The following FGF14 variants were observed in gnomAD, a reference collection of about 807,000 sequenced individuals.
The protein encoded by FGF14 is fibroblast growth factor homologous factor 4.
A neutral mutation model predicts 25.5 loss-of-function variants in FGF14; 5 were observed. The observed-to-expected ratio is 0.20, with a 90% confidence interval of 0.10 to 0.41. FGF14 has a LOEUF of 0.41. Ranked by LOEUF, FGF14 falls within the 10% of genes least tolerant of loss-of-function variation. The probability of loss-of-function intolerance (pLI) is 1.00; values close to 1 mark genes in which losing one functional copy is unlikely to be tolerated. For synonymous variants in FGF14, 138 were observed against 118.3 expected, an observed-to-expected ratio of 1.17 and a Z score of -1.08; for missense variants, 222 against 320.1, an observed-to-expected ratio of 0.69 and a Z score of 2.34.
At chr13:101,950,374 C>A (rs1283761645) in intron 1 of FGF14, among the ~76,000 whole-genome samples, 1 of 152,164 alleles carries the variant, frequency 6.6e-6, no homozygotes, top group Non-Finnish European at 1.5e-5. Flanking sequence ...TAACTCAGGA[C>A]CTCCATGGAC....
chr13:102,354,901 T>C (rs1385261675), intron 1 of FGF14, among the ~76,000 whole-genome samples: 1 of 149,516 alleles, frequency 6.7e-6, no homozygotes, highest in Non-Finnish European at 1.5e-5. Flanking sequence ...AAGACCTAGT[T>C]TGAGTTACCT....
chr13:102,291,626 T>C (rs1057349933), intron 1 of FGF14, among the ~76,000 whole-genome samples: 14 of 152,136 alleles, frequency 9.2e-5, no homozygotes, highest in Admixed American at 7.9e-4. Context: ...CCCCACACAA[T>C]ACCATACTGT....
chr13:102,030,180 T>C (rs1378411386), intron 1 of FGF14, among the ~76,000 whole-genome samples: 5 of 152,090 alleles, frequency 3.3e-5, no homozygotes, highest in Admixed American at 2.6e-4. Flanking sequence ...GAAGCATATT[T>C]GTCTATGGAT....
rs754461644 is a variant in FGF14, at chr13:101,715,532, AATCATG to A, written c.*7293_*7298del. The A allele has an allele frequency of 2.7e-6, 4 of 1,469,066 alleles. No individual in the cohort carries two copies. The highest frequency in any genetic ancestry group is 3.8e-6 in the Non-Finnish European group (4 of 1,048,284). 91.0% of individuals were successfully genotyped at this position (1,469,066 alleles called of 1,614,324 possible). A position where few individuals can be genotyped will look rare whatever the true frequency, so the allele number is the denominator to read the frequency against. On this transcript the variant is annotated 3_prime_UTR_variant, in exon 5 of 5. Transcript: ENST00000376143. ...TTTAAATTTGGCACATTTTGATCAT[AATCATG>A]ATACCTATATGTATTTTATTGCAGG...
chr13:101,731,589 G>A (rs2035816565), intron 3 of FGF14, among the ~76,000 whole-genome samples: 1 of 152,142 alleles, frequency 6.6e-6, no homozygotes, highest in Admixed American at 6.5e-5. Flanking sequence ...CTCTTCTGAG[G>A]GAAATGCCTT....
chr13:102,117,740 G>A (rs1160477711), intron 1 of FGF14, among the ~76,000 whole-genome samples: 1 of 152,144 alleles, frequency 6.6e-6, no homozygotes, highest in Non-Finnish European at 1.5e-5. Context: ...AAAAAATACT[G>A]TGTAGAATGA....
At chr13:102,253,032 G>C (rs2052264196) in intron 1 of FGF14, among the ~76,000 whole-genome samples, 1 of 152,188 alleles carries the variant, frequency 6.6e-6, no homozygotes, top group African/African-American at 2.4e-5. Flanking sequence ...GTATTCCATG[G>C]TGTATATGTG....
chr13:102,248,817 T>G (rs1447011323), intron 1 of FGF14, among the ~76,000 whole-genome samples: 2 of 151,894 alleles, frequency 1.3e-5, no homozygotes, highest in African/African-American at 4.8e-5. Flanking sequence ...GAAAAATAAA[T>G]GAACAAGACA....
chr13:101,729,526 T>TG (rs1255572016), intron 3 of FGF14, among the ~76,000 whole-genome samples: 1 of 152,120 alleles, frequency 6.6e-6, no homozygotes, highest in Admixed American at 6.6e-5. Context: ...TGTGTGTTCT[T>TG]GGGGAAATTA....
At position 101,865,739 on chromosome 13, in the gene FGF14, G is replaced by A. The variant is rs1326239927; in HGVS notation, c.408+2986C>T. On this transcript the variant is annotated intron_variant, in intron 3 of 4. Transcript: ENST00000376143. ...AAGATACACCTCAAGTCAAATCACC[G>A]TTGTGATATTCGTTTACCAGAATTC... Among the ~76,000 whole-genome samples the A allele has an allele frequency of 3.9e-5, 6 of 152,174 alleles. No individual in the cohort carries two copies. The South Asian group carries it at 8.3e-4, about 21-fold the overall frequency.
chr13:101,989,776 G>A (rs1011411488), intron 1 of FGF14, among the ~76,000 whole-genome samples: 2 of 152,012 alleles, frequency 1.3e-5, no homozygotes, highest in Non-Finnish European at 2.9e-5. Flanking sequence ...AACATTTATG[G>A]GGCTTTAACT....
At chr13:102,020,753 G>A (rs1343149239) in intron 1 of FGF14, among the ~76,000 whole-genome samples, 1 of 152,084 alleles carries the variant, frequency 6.6e-6, no homozygotes, top group Non-Finnish European at 1.5e-5. Context: ...AGCAACTAGA[G>A]TGCAGGAACT....
At chr13:101,868,578 A>T in intron 3 of FGF14, 147 bp downstream of exon 3, 1 of 698,502 alleles carries the variant, frequency 1.4e-6, no homozygotes, top group Admixed American at 2.0e-5. Flanking sequence ...GTGAATAATA[A>T]ACAGCTTCTA....
intron 1 of FGF14, among the ~76,000 whole-genome samples, chr13:102,322,228 T>C (rs2056271829): frequency 6.6e-6 from 1 of 152,234 alleles, no homozygotes; most frequent in South Asian, 2.1e-4. Flanking sequence ...AGCAGTTAAC[T>C]CAGTGGCTTA....
At chr13:102,031,593 A>C (rs1169891595) in intron 1 of FGF14, among the ~76,000 whole-genome samples, 1 of 152,090 alleles carries the variant, frequency 6.6e-6, no homozygotes, top group East Asian at 1.9e-4. Flanking sequence ...CTAAAAGACC[A>C]AAAATCTATA....
chr13:101,875,380 A>T, intron 1 of FGF14, 84 bp from the exon 2 acceptor site: 1 of 938,418 alleles, frequency 1.1e-6, no homozygotes, highest in Non-Finnish European at 1.7e-6. Context: ...TTCTTTTTTC[A>T]GAAGAGGACA....
At chr13:102,327,375 G>T (rs1042055816) in intron 1 of FGF14, among the ~76,000 whole-genome samples, 1 of 152,110 alleles carries the variant, frequency 6.6e-6, no homozygotes, top group Non-Finnish European at 1.5e-5. Flanking sequence ...TTGTTATCTC[G>T]CATAAGCTTA....
In FGF14 at chr13:101,722,366, T is replaced by C. The variant is rs1160443434; in HGVS notation, c.*465A>G. ...AGTGGAGCGAGCAGCCCTGTAAAAA[T>C]GGGAAGAAGAGAAATCCGTAATAGC... On this transcript the variant is annotated 3_prime_UTR_variant, in exon 5 of 5. Coordinates refer to ENST00000376143, the MANE Select transcript of FGF14 (RefSeq NM_004115.4). 8.8e-6 allele frequency: 2 copies of C among 227,792 alleles called. No individual in the cohort carries two copies. The highest frequency in any genetic ancestry group is 2.3e-5 in the African/African-American group (1 of 43,286). The allele number at this position is 227,792 out of a possible 1,614,324, so 14.1% of individuals were successfully genotyped here. A position where few individuals can be genotyped will look rare whatever the true frequency, so the allele number is the denominator to read the frequency against.
At chr13:102,398,876 TTATATATATGTATAATATATAA>T (rs1352977052) in intron 1 of FGF14, among the ~76,000 whole-genome samples, 3 of 146,136 alleles carry the variant, frequency 2.1e-5, no homozygotes, top group Non-Finnish European at 3.0e-5. Context: ...AATATATATA[TTATATATATGTATAATATATAA>T]TATATATATA....
Sources: allele counts gnomAD v4.1 joint callset (sites outside exome capture counted in the v4.1 genomes callset), GRCh38; gene constraint gnomAD v4.1.1; transcripts MANE v1.5; gene names NCBI Gene and HGNC (gene_info 2026-07-23, HGNC 2026-07-21).